The following PCDHGB2 variants were observed in gnomAD, a reference collection of about 807,000 sequenced individuals.
PCDHGB2 encodes protocadherin gamma subfamily B, 2.
In PCDHGB2, 55 loss-of-function variants were observed where a neutral mutation model predicts 59.3. The ratio of observed to expected loss-of-function variants is 0.93; its 90% confidence interval spans 0.75 to 1.16. The LOEUF (loss-of-function observed/expected upper bound fraction) is 1.16. Ranked by LOEUF, PCDHGB2 falls within the 50% of genes most tolerant of loss-of-function variation. PCDHGB2 has a pLI of 0.00. For synonymous variants in PCDHGB2, 516 were observed against 512.0 expected (o/e 1.01, Z -0.11); for missense variants, 1,228 against 1,198.5 (o/e 1.02, Z -0.36).
intron 1 of PCDHGB2, chr5:141,420,445 T>C: frequency 9.6e-7 from 1 of 1,044,750 alleles, no homozygotes; most frequent in Non-Finnish European, 1.3e-6. Context: ...AATGCCTCAG[T>C]CTTCCTACTA....
At chr5:141,413,353 C>T (rs2095629361) in intron 1 of PCDHGB2, 2 of 1,613,844 alleles carry the variant, frequency 1.2e-6, no homozygotes, top group Middle Eastern at 1.6e-4. Context: ...GGGTCTGGCG[C>T]CCCGGGAGCT....
At position 141,510,228 on chromosome 5, in the gene PCDHGB2, G is replaced by A. The variant is rs529723748; in HGVS notation, c.2570-719G>A. The stretch of plus-strand genomic sequence containing the variant: ...GCAGAGGTTGCAGTGAGCCGGGATC[G>A]CGCCACTGCACTCCAGGCTGGGCGA... On this transcript the variant is annotated intron_variant, in intron 3 of 3. Coordinates refer to ENST00000522605, the MANE Select transcript of PCDHGB2 (RefSeq NM_018923.3). Among the ~76,000 whole-genome samples the A allele has an allele frequency of 1.4e-3, 208 of 150,722 alleles. 1 individual carries two copies. Among genetic ancestry groups the A allele is most frequent in the African/African-American group, 4.7e-3 (193 of 40,860 alleles).
At position 141,393,580 on chromosome 5, in the gene PCDHGB2, C is replaced by A. The variant is rs756625630; in HGVS notation, c.2421+31024C>A. 5.6e-6 allele frequency: 9 copies of A among 1,613,758 alleles called. No individual in the cohort carries two copies. In the South Asian group the frequency reaches 9.9e-5, roughly 18 times the overall value. ...CGAGTGAAAGTCCTTGAGAACATGC[C>A]CCCAGGCACGCGGCTGCTTACTGTA... is the stretch of plus-strand genomic sequence containing the variant. On this transcript the variant is annotated intron_variant, in intron 1 of 3. Transcript: ENST00000522605.
At chr5:141,399,479 C>G (rs774561101) in intron 1 of PCDHGB2, 2 of 1,614,032 alleles carry the variant, frequency 1.2e-6, no homozygotes, top group East Asian at 4.5e-5. Context: ...TTCCACCAGG[C>G]GTCCTACTTA....
chr5:141,454,892 C>T (rs1389056318), intron 1 of PCDHGB2, among the ~76,000 whole-genome samples: 4 of 146,994 alleles, frequency 2.7e-5, no homozygotes, highest in Non-Finnish European at 5.9e-5. Context: ...ACTGCTAGCA[C>T]CGCCTCCCGG....
intron 2 of PCDHGB2, among the ~76,000 whole-genome samples, chr5:141,499,528 G>T (rs961802549): frequency 1.3e-5 from 2 of 152,142 alleles, no homozygotes; most frequent in African/African-American, 2.4e-5. Context: ...AAAGTAGAGA[G>T]AATGGTGTCA....
Position 141,432,492 on chromosome 5 carries a change from C to A in PCDHGB2, c.2422-62315C>A. On this transcript the variant is annotated intron_variant, in intron 1 of 3. Transcript: ENST00000522605. The surrounding 1 kb of genome is among the most constrained non-coding windows in gnomAD (Gnocchi z 6.0). ...GACGGTTCCACTGGCGTGGAGCTGG[C>A]TCCCCGCTCCGCAGAGCCCGGCTAC... 6.2e-7 allele frequency: 1 copy of A among 1,614,168 alleles called. No individual in the cohort carries two copies. Among genetic ancestry groups the A allele is most frequent in the Admixed American group, 1.7e-5 (1 of 60,034 alleles).
rs35224477 is a variant in PCDHGB2, at chr5:141,464,263, TA to T, written c.2422-30530del. On this transcript the variant is annotated intron_variant, in intron 1 of 3. Coordinates refer to ENST00000522605, the MANE Select transcript of PCDHGB2 (RefSeq NM_018923.3). ...CTGGGCTACAGAGCGAGACTCCGTC[TA>T]AAAAAAAAAAAAAGCAAAAAAAAAA... Among the ~76,000 whole-genome samples, 390 of 103,506 alleles carry T rather than the reference TA, an allele frequency of 3.8e-3. 1 individual carries two copies. Among genetic ancestry groups the T allele is most frequent in the Admixed American group, 4.7e-3 (45 of 9,486 alleles). 67.9% of individuals were successfully genotyped at this position (103,506 alleles called of 152,430 possible). A position where few individuals can be genotyped will look rare whatever the true frequency, so the allele number is the denominator to read the frequency against.
intron 1 of PCDHGB2, chr5:141,426,979 A>G (rs762085745): frequency 4.2e-5 from 19 of 456,640 alleles, no homozygotes; most frequent in Non-Finnish European, 7.5e-5. Flanking sequence ...GAGGTCACTG[A>G]TGCCAACGAT....
At chr5:141,457,422 T>TC (rs1038085994) in intron 1 of PCDHGB2, among the ~76,000 whole-genome samples, 6 of 151,626 alleles carry the variant, frequency 4.0e-5, no homozygotes, top group African/African-American at 7.3e-5. Flanking sequence ...CATCCCTTTT[T>TC]CCCCCCCACC....
intron 1 of PCDHGB2, chr5:141,403,495 C>A: frequency 6.2e-7 from 1 of 1,614,014 alleles, no homozygotes; most frequent in Non-Finnish European, 8.5e-7. Context: ...TCTCCCTGAA[C>A]GTGCAGACTG....
chr5:141,394,361 G>T (rs2092984834), intron 1 of PCDHGB2: 2 of 1,614,190 alleles, frequency 1.2e-6, no homozygotes, highest in Non-Finnish European at 1.7e-6. Context: ...TCCTGTATGC[G>T]CTGCAATCTT....
chr5:141,372,305 C>G, intron 1 of PCDHGB2: 2 of 1,613,260 alleles, frequency 1.2e-6, no homozygotes, highest in South Asian at 1.1e-5. Context: ...ACAGGGAGGC[C>G]GCCCGCCAGC....
rs755293492 is a variant in PCDHGB2 at position 141,394,003 on chromosome 5, C to A, written c.2421+31447C>A. On this transcript the variant is annotated intron_variant, in intron 1 of 3. Transcript: ENST00000522605. ...AATTTACCTTTTAAATTAGAAAAGT[C>A]AATAGGTAATTATTATAGATTAGTG... The A allele has an allele frequency of 1.9e-6, 3 of 1,613,310 alleles. No homozygotes were observed. The South Asian group carries it at 3.3e-5, about 18-fold the overall frequency.
At chr5:141,454,483 C>T (rs1434684795) in intron 1 of PCDHGB2, among the ~76,000 whole-genome samples, 9 of 151,684 alleles carry the variant, frequency 5.9e-5, no homozygotes, top group African/African-American at 9.7e-5. Flanking sequence ...CTCAGCTCAC[C>T]GCAACCTCCA....
At chr5:141,501,423 A>C (rs1195105794) in intron 2 of PCDHGB2, among the ~76,000 whole-genome samples, 1 of 151,966 alleles carries the variant, frequency 6.6e-6, no homozygotes, top group Non-Finnish European at 1.5e-5. Flanking sequence ...AGTTGACTAA[A>C]TGTAGTCCAT....
chr5:141,403,995 C>T, intron 1 of PCDHGB2: 1 of 1,613,762 alleles, frequency 6.2e-7, no homozygotes, highest in Non-Finnish European at 8.5e-7. Context: ...CCTGAAGTGA[C>T]CATTACATCT....
chr5:141,459,084 A>T (rs2098960410), intron 1 of PCDHGB2, among the ~76,000 whole-genome samples: 2 of 152,204 alleles, frequency 1.3e-5, no homozygotes, highest in Non-Finnish European at 2.9e-5. Flanking sequence ...TGCCTTTTAA[A>T]ATTATACAGT....
In PCDHGB2 at chr5:141,485,985, T is replaced by C. The variant is rs748867624; in HGVS notation, c.2422-8822T>C. 5.6e-6 allele frequency: 9 copies of C among 1,614,086 alleles called. No homozygotes were observed. Among genetic ancestry groups the C allele is most frequent in the South Asian group, 5.5e-5 (5 of 91,094 alleles). On this transcript the variant is annotated intron_variant, in intron 1 of 3. Coordinates refer to ENST00000522605, the MANE Select transcript of PCDHGB2 (RefSeq NM_018923.3). The surrounding 1 kb of genome is among the most constrained non-coding windows in gnomAD (Gnocchi z 5.7). ...CAGCTCAATGCCTCAGACCCGGACC[T>C]GGGTCCCAGTGGTAACGTCACCTTT...
Sources: gnomAD v4.1 joint callset for allele counts (sites outside exome capture counted in the v4.1 genomes callset) on GRCh38, gnomAD v4.1.1 for gene constraint, Gnocchi (gnomAD v3.1) non-coding constraint, MANE v1.5 for transcripts, NCBI Gene and HGNC (gene_info 2026-07-23, HGNC 2026-07-21) for gene names.